Variants in AMPH observed in about 807,000 individuals in gnomAD.
AMPH encodes the protein amphiphysin (Stiff-Mann syndrome with breast cancer 128kD autoantigen).
In AMPH, 49 loss-of-function variants were observed where a neutral mutation model predicts 99.1. That is an observed-to-expected ratio of 0.49 (90% confidence interval 0.39 to 0.63). The LOEUF is 0.63. AMPH is among the 20% of genes least tolerant of loss of function. AMPH has a pLI of 0.00. For missense variants in AMPH, 759 were observed against 863.4 expected, an observed-to-expected ratio of 0.88 and a Z score of 1.52; for synonymous variants, 314 against 317.3, an observed-to-expected ratio of 0.99 and a Z score of 0.11.
intron 16 of AMPH, among the ~76,000 whole-genome samples, chr7:38,420,357 T>C (rs1785537882): frequency 6.6e-6 from 1 of 152,218 alleles, no homozygotes; most frequent in South Asian, 2.1e-4. Flanking sequence ...CCTGTGGGAA[T>C]TGTGCCCTAC....
At chr7:38,393,948 G>C (rs1005107999) in intron 18 of AMPH, 57 bp downstream of exon 18, 1 of 1,563,112 alleles carries the variant, frequency 6.4e-7, no homozygotes, top group Non-Finnish European at 8.8e-7. Flanking sequence ...AACCAACAGA[G>C]CACCCAGCCC....
At chr7:38,557,490 A>G (rs1423683999) in intron 1 of AMPH, among the ~76,000 whole-genome samples, 1 of 152,132 alleles carries the variant, frequency 6.6e-6, no homozygotes, top group East Asian at 1.9e-4. Context: ...CTGGGCACTC[A>G]TTCTTCTCCT....
At chr7:38,560,892 A>G (rs1468402203) in intron 1 of AMPH, among the ~76,000 whole-genome samples, 1 of 152,198 alleles carries the variant, frequency 6.6e-6, no homozygotes, top group Non-Finnish European at 1.5e-5. Flanking sequence ...ATTTTCTAGA[A>G]TCAGAATGTG....
At chr7:38,464,189 A>C (rs1787563903) in intron 9 of AMPH, 1 of 1,199,468 alleles carries the variant, frequency 8.3e-7, no homozygotes, top group Admixed American at 2.3e-5. Flanking sequence ...TGGCAACATT[A>C]CAATTTTCAG....
At chr7:38,398,897 C>T (rs1188857901) in intron 17 of AMPH, among the ~76,000 whole-genome samples, 2 of 152,154 alleles carry the variant, frequency 1.3e-5, no homozygotes, top group African/African-American at 2.4e-5. Context: ...TGACACCAAC[C>T]ACCAGCAGGT....
At position 38,597,674 on chromosome 7, in the gene AMPH, G is replaced by GATGTGACATTA. The variant is rs576107263; in HGVS notation, c.69+33598_69+33608dup. 3.1e-3 allele frequency among the ~76,000 whole-genome samples: 477 copies of GATGTGACATTA among 152,208 alleles called. 3 individuals carry two copies. Among genetic ancestry groups the GATGTGACATTA allele is most frequent in the Admixed American group, 6.9e-3 (106 of 15,290 alleles). ...TACCAAATACCAATGATACTCACAG[G>GATGTGACATTA]ATGTGACATTAATGTCTAATAGGCT... On this transcript the variant is annotated intron_variant, in intron 1 of 20. Transcript: ENST00000356264.
At chr7:38,476,795 TA>T in intron 6 of AMPH, 66 bp downstream of exon 6, 1 of 1,223,548 alleles carries the variant, frequency 8.2e-7, no homozygotes. Flanking sequence ...CATTTAATTT[TA>T]AAAAGTAAAG....
At chr7:38,589,522 C>T (rs1456242608) in intron 1 of AMPH, among the ~76,000 whole-genome samples, 1 of 152,192 alleles carries the variant, frequency 6.6e-6, no homozygotes, top group Non-Finnish European at 1.5e-5. Flanking sequence ...TGTCAACCTA[C>T]CCCGAGCATC....
intron 18 of AMPH, 143 bp from the exon 19 acceptor site, chr7:38,392,160 C>T (rs964327230): frequency 1.3e-6 from 1 of 771,640 alleles, no homozygotes; most frequent in African/African-American, 1.8e-5. Context: ...AGGTCTGGGC[C>T]TTCCGCTGTG....
chr7:38,406,992 T>C (rs1785030478), intron 17 of AMPH, among the ~76,000 whole-genome samples: 1 of 131,428 alleles, frequency 7.6e-6, no homozygotes. Flanking sequence ...TGCCTTGTAA[T>C]TGCATAAGCC....
At chr7:38,625,923 T>C (rs1055923246) in intron 1 of AMPH, among the ~76,000 whole-genome samples, 11 of 152,174 alleles carry the variant, frequency 7.2e-5, no homozygotes, top group Non-Finnish European at 1.2e-4. Context: ...AAAATTGGAC[T>C]TCAATCTTTA....
intron 12 of AMPH, among the ~76,000 whole-genome samples, chr7:38,433,692 T>A (rs1584085271): frequency 1.7e-5 from 1 of 60,492 alleles, no homozygotes; most frequent in Non-Finnish European, 2.7e-5. Context: ...GCCACTGCAC[T>A]CCAGCCTGGG....
At chr7:38,624,434 G>A (rs749290947) in intron 1 of AMPH, among the ~76,000 whole-genome samples, 25 of 151,500 alleles carry the variant, frequency 1.7e-4, no homozygotes, top group African/African-American at 4.6e-4. Context: ...TCGCTCTGTC[G>A]CCCAGGCTGC....
chr7:38,579,034 T>G (rs2129054673), intron 1 of AMPH, among the ~76,000 whole-genome samples: 1 of 152,300 alleles, frequency 6.6e-6, no homozygotes, highest in South Asian at 2.1e-4. Context: ...CATATCTTAG[T>G]GTTATTATGA....
At chr7:38,431,143 T>G (rs1584081024) in intron 13 of AMPH, among the ~76,000 whole-genome samples, 1 of 152,236 alleles carries the variant, frequency 6.6e-6, no homozygotes, top group African/African-American at 2.4e-5. Context: ...CACAAAGCTC[T>G]GTTTGTGACA....
At chr7:38,518,531 T>C (rs1789835550) in intron 2 of AMPH, among the ~76,000 whole-genome samples, 1 of 152,202 alleles carries the variant, frequency 6.6e-6, no homozygotes, top group African/African-American at 2.4e-5. Flanking sequence ...ACGTTTAATG[T>C]TTTCTCTGTT....
intron 1 of AMPH, among the ~76,000 whole-genome samples, chr7:38,563,403 ATTTGGTGAG>A (rs772295126): frequency 2.6e-5 from 4 of 152,216 alleles, no homozygotes; most frequent in Non-Finnish European, 5.9e-5. Flanking sequence ...ATTCTATGGT[ATTTGGTGAG>A]TATTCACACC....
intron 11 of AMPH, among the ~76,000 whole-genome samples, chr7:38,445,420 G>T (rs952642955): frequency 6.6e-6 from 1 of 152,052 alleles, no homozygotes; most frequent in Non-Finnish European, 1.5e-5. Flanking sequence ...GGATAAATTG[G>T]ATTTCATCAA....
intron 17 of AMPH, among the ~76,000 whole-genome samples, chr7:38,411,227 T>C (rs1384061583): frequency 6.6e-6 from 1 of 152,198 alleles, no homozygotes; most frequent in Admixed American, 6.5e-5. Flanking sequence ...TGTGAGAGAA[T>C]GCATGACAAT....
Sources: gnomAD v4.1 joint callset for allele counts (sites outside exome capture counted in the v4.1 genomes callset) on GRCh38, gnomAD v4.1.1 for gene constraint, MANE v1.5 for transcripts, NCBI Gene and HGNC (gene_info 2026-07-23, HGNC 2026-07-21) for gene names.